Variants in DAB1 observed in about 807,000 individuals in gnomAD.
DAB1 encodes the protein DAB adaptor protein 1, also known as disabled homolog 1.
In DAB1, 15 loss-of-function variants were observed where a neutral mutation model predicts 64.6. The observed-to-expected ratio is 0.23, with a 90% CI of 0.16 to 0.36. DAB1 has a LOEUF of 0.36. Among genes scored for constraint, DAB1 ranks in the 10% least tolerant of loss-of-function variants. The probability of loss-of-function intolerance (pLI) is 1.00; values close to 1 mark genes in which losing one functional copy is unlikely to be tolerated. For missense variants in DAB1, 596 were observed against 706.7 expected (o/e 0.84, Z 1.78); for synonymous variants, 235 against 251.9 (o/e 0.93, Z 0.64).
intron 6 of DAB1, among the ~76,000 whole-genome samples, chr1:57,685,528 T>G (rs1177747624): frequency 6.6e-6 from 1 of 152,304 alleles, no homozygotes; most frequent in African/African-American, 2.4e-5. Context: ...GAAGAAATTC[T>G]GGACTTAAAG....
At chr1:57,075,793 A>T (rs1651931572) in intron 4 of DAB1, among the ~76,000 whole-genome samples, 1 of 152,224 alleles carries the variant, frequency 6.6e-6, no homozygotes, top group Non-Finnish European at 1.5e-5. Context: ...CCTACTCAGG[A>T]TGACAAAGCA....
intron 3 of DAB1, among the ~76,000 whole-genome samples, chr1:58,477,708 G>A (rs1645432601): frequency 6.6e-6 from 1 of 152,156 alleles, no homozygotes; most frequent in Non-Finnish European, 1.5e-5. Context: ...CCAGGGAACA[G>A]GTGAGAAAGA....
chr1:57,431,893 G>A (rs960281986), intron 7 of DAB1, among the ~76,000 whole-genome samples: 7 of 152,190 alleles, frequency 4.6e-5, no homozygotes, highest in Admixed American at 1.3e-4. Flanking sequence ...GGAGGCCGAG[G>A]CCGGCAGATC....
intron 7 of DAB1, among the ~76,000 whole-genome samples, chr1:57,435,098 G>A (rs1234451963): frequency 4.1e-5 from 6 of 145,776 alleles, no homozygotes; most frequent in South Asian, 2.2e-4. Flanking sequence ...ACCCAGGCTG[G>A]AGCGTAGTGG....
chr1:58,025,649 GTGTATATATA>G lies in DAB1; in HGVS notation n.387+124852_387+124861del, dbSNP rs1399106085. ...TAAATATAATATTATATATATATGT[GTGTATATATA>G]TATATATATATATATATATATATAT... On this transcript the variant is annotated intron_variant and non_coding_transcript_variant, in intron 5 of 20. Coordinates refer to the DAB1 transcript ENST00000485760. Among the ~76,000 whole-genome samples, 378 of 115,042 alleles carry G rather than the reference GTGTATATATA, an allele frequency of 3.3e-3. 2 individuals are homozygous for G. Among genetic ancestry groups the G allele is most frequent in the Non-Finnish European group, 4.8e-3 (280 of 57,762 alleles). 75.5% of individuals were successfully genotyped at this position (115,042 alleles called of 152,430 possible).
intron 3 of DAB1, among the ~76,000 whole-genome samples, chr1:58,406,547 G>A (rs1043747409): frequency 1.3e-5 from 2 of 152,332 alleles, no homozygotes; most frequent in African/African-American, 4.8e-5. Context: ...AGTTGTAAGA[G>A]GAGGATGGGA....
At chr1:58,054,595 T>C (rs1647929622) in intron 5 of DAB1, among the ~76,000 whole-genome samples, 2 of 152,220 alleles carry the variant, frequency 1.3e-5, no homozygotes, top group Admixed American at 1.3e-4. Flanking sequence ...TATCAGCTCA[T>C]TGGCTGTTGG....
At chr1:57,903,587 C>T (rs2101998335) in intron 5 of DAB1, among the ~76,000 whole-genome samples, 1 of 152,252 alleles carries the variant, frequency 6.6e-6, no homozygotes, top group East Asian at 1.9e-4. Flanking sequence ...CCTTTATTCC[C>T]GATATTCCCA....
chr1:57,441,042 T>C (rs980714529), intron 7 of DAB1, among the ~76,000 whole-genome samples: 2 of 152,032 alleles, frequency 1.3e-5, no homozygotes, highest in Admixed American at 1.3e-4. Context: ...CCTCTAGTAG[T>C]CCACAGTGTC....
intron 4 of DAB1, among the ~76,000 whole-genome samples, chr1:58,213,459 A>G (rs1658669228): frequency 6.6e-6 from 1 of 152,174 alleles, no homozygotes; most frequent in South Asian, 2.1e-4. Context: ...TCACAGTGGA[A>G]GGCAGGCACA....
chr1:57,040,476 A>C (rs1372988455), intron 9 of DAB1, among the ~76,000 whole-genome samples: 2 of 152,212 alleles, frequency 1.3e-5, no homozygotes, highest in Non-Finnish European at 2.9e-5. Context: ...CCTGATTCTA[A>C]TCCATGACTT....
chr1:57,313,095 G>C (rs930561449), intron 1 of DAB1, among the ~76,000 whole-genome samples: 1 of 152,152 alleles, frequency 6.6e-6, no homozygotes, highest in Non-Finnish European at 1.5e-5. Flanking sequence ...AATTAAGGAT[G>C]CAGTGCCCCA....
chr1:57,304,639 T>C (rs529119880), intron 1 of DAB1, among the ~76,000 whole-genome samples: 2 of 152,174 alleles, frequency 1.3e-5, no homozygotes, highest in South Asian at 2.1e-4. Context: ...AATAAGGTAA[T>C]ATATGCAAAT....
chr1:57,604,504 T>C (rs1289725102), intron 7 of DAB1, among the ~76,000 whole-genome samples: 1 of 152,200 alleles, frequency 6.6e-6, no homozygotes, highest in Non-Finnish European at 1.5e-5. Context: ...GCTGTTTAAG[T>C]TATTCCAGCG....
At chr1:57,400,679 C>G (rs1282618099) in intron 1 of DAB1, among the ~76,000 whole-genome samples, 1 of 151,536 alleles carries the variant, frequency 6.6e-6, no homozygotes, top group Non-Finnish European at 1.5e-5. Context: ...CGTATCCTGG[C>G]CTGTTTATTT....
intron 5 of DAB1, among the ~76,000 whole-genome samples, chr1:58,123,677 G>C (rs959325033): frequency 6.6e-6 from 1 of 152,106 alleles, no homozygotes; most frequent in African/African-American, 2.4e-5. Context: ...CTAGCTGTCC[G>C]ATCTCCAGGC....
At chr1:57,181,471 G>A (rs1662928402) in intron 2 of DAB1, among the ~76,000 whole-genome samples, 1 of 152,094 alleles carries the variant, frequency 6.6e-6, no homozygotes, top group Non-Finnish European at 1.5e-5. Context: ...TCTTGAAAAT[G>A]CCCATGACAA....
intron 12 of DAB1, among the ~76,000 whole-genome samples, chr1:57,013,950 TA>T (rs924949178): frequency 9.9e-5 from 15 of 152,146 alleles, no homozygotes; most frequent in Non-Finnish European, 1.5e-5. Flanking sequence ...TTACCAATGA[TA>T]AAACTGAGTC....
chr1:58,019,867 T>C (rs1646792033), intron 5 of DAB1, among the ~76,000 whole-genome samples: 1 of 152,220 alleles, frequency 6.6e-6, no homozygotes, highest in African/African-American at 2.4e-5. Context: ...ATCCTTTCTA[T>C]TCTGAGAATC....
Sources: allele counts gnomAD v4.1 joint callset (sites outside exome capture counted in the v4.1 genomes callset), GRCh38; gene constraint gnomAD v4.1.1; transcripts MANE v1.5; gene names NCBI Gene and HGNC (gene_info 2026-07-23, HGNC 2026-07-21).